The following FRMD4B variants were observed in gnomAD, a reference collection of about 807,000 sequenced individuals.
FRMD4B encodes FERM domain containing 4B.
Under a neutral mutation model 141.5 loss-of-function variants are expected in FRMD4B, and 74 were observed. The ratio of observed to expected loss-of-function variants is 0.52; its 90% confidence interval spans 0.43 to 0.63. FRMD4B has a LOEUF of 0.63. Among genes scored for constraint, FRMD4B ranks in the 30% least tolerant of loss-of-function variants. The pLI is 0.00. For synonymous variants in FRMD4B, 506 were observed against 467.9 expected, an observed-to-expected ratio of 1.08 and a Z score of -1.05; for missense variants, 1,366 against 1,253.4, an observed-to-expected ratio of 1.09 and a Z score of -1.36.
At chr3:69,270,852 C>A (rs1261165800) in intron 5 of FRMD4B, among the ~76,000 whole-genome samples, 4 of 152,074 alleles carry the variant, frequency 2.6e-5, no homozygotes, top group Non-Finnish European at 5.9e-5. Flanking sequence ...GTGTGAGCCA[C>A]CGTGCCCAGC....
upstream of FRMD4B, among the ~76,000 whole-genome samples, chr3:69,387,465 T>C (rs1344494305): frequency 6.6e-6 from 1 of 152,206 alleles, no homozygotes; most frequent in Non-Finnish European, 1.5e-5. Context: ...AAAAGTGCTG[T>C]AGCAAATTTC....
chr3:69,207,865 CT>C (rs1182313756), intron 11 of FRMD4B, among the ~76,000 whole-genome samples: 24 of 152,084 alleles, frequency 1.6e-4, no homozygotes, highest in Non-Finnish European at 2.9e-4. Context: ...CTGGCAGCCA[CT>C]TCCTTTTCTT....
intron 2 of FRMD4B, among the ~76,000 whole-genome samples, chr3:69,429,430 T>G (rs966639018): frequency 6.6e-6 from 1 of 152,182 alleles, no homozygotes; most frequent in African/African-American, 2.4e-5. Flanking sequence ...ATTTAAAATA[T>G]TTTTTTGTCC....
chr3:69,267,676 GAGA>G (rs2093574028), intron 5 of FRMD4B, among the ~76,000 whole-genome samples: 5 of 113,332 alleles, frequency 4.4e-5, no homozygotes, highest in African/African-American at 1.6e-4. Context: ...GAGAGAGAGA[GAGA>G]GAGAGAGAGA....
chr3:69,422,489 A>G (rs777131966), intron 2 of FRMD4B, among the ~76,000 whole-genome samples: 2 of 152,016 alleles, frequency 1.3e-5, no homozygotes, highest in Non-Finnish European at 2.9e-5. Flanking sequence ...TCACTTCCAT[A>G]CAGAGCTTTT....
intron 1 of FRMD4B, among the ~76,000 whole-genome samples, chr3:69,525,069 CA>C (rs1461211408): frequency 6.6e-6 from 1 of 152,048 alleles, no homozygotes; most frequent in Non-Finnish European, 1.5e-5. Flanking sequence ...TGGGACAGCC[CA>C]AAACTGCAAC....
At chr3:69,310,888 C>T (rs1021455967) in intron 3 of FRMD4B, among the ~76,000 whole-genome samples, 3 of 152,086 alleles carry the variant, frequency 2.0e-5, no homozygotes, top group African/African-American at 7.2e-5. Flanking sequence ...AGCTCTCTTG[C>T]CACCAACACC....
intron 1 of FRMD4B, among the ~76,000 whole-genome samples, chr3:69,455,266 G>C (rs1021808191): frequency 1.7e-4 from 26 of 152,222 alleles, no homozygotes; most frequent in African/African-American, 5.5e-4. Flanking sequence ...AGAGGCCACA[G>C]CAGTGATAGG....
chr3:69,264,440 G>A (rs2093547994), intron 5 of FRMD4B, among the ~76,000 whole-genome samples: 1 of 152,146 alleles, frequency 6.6e-6, no homozygotes, highest in Non-Finnish European at 1.5e-5. Context: ...TTTTTAAAAA[G>A]GGAATGCTTC....
At chr3:69,499,347 G>T (rs889208135) in intron 1 of FRMD4B, among the ~76,000 whole-genome samples, 1 of 152,188 alleles carries the variant, frequency 6.6e-6, no homozygotes, top group Non-Finnish European at 1.5e-5. Context: ...CAGTGGATTA[G>T]GTAGAAGCAC....
intron 2 of FRMD4B, among the ~76,000 whole-genome samples, chr3:69,409,011 T>C (rs1028752584): frequency 6.6e-6 from 1 of 152,068 alleles, no homozygotes; most frequent in African/African-American, 2.4e-5. Flanking sequence ...ATCTGTAAAA[T>C]AGAGAGAAAA....
At chr3:69,254,461 A>C (rs2093480815) in intron 5 of FRMD4B, among the ~76,000 whole-genome samples, 1 of 152,154 alleles carries the variant, frequency 6.6e-6, no homozygotes, top group African/African-American at 2.4e-5. Flanking sequence ...CAGGATATTA[A>C]TGTAATCACA....
At chr3:69,222,731 A>G (rs2093208730) in intron 8 of FRMD4B, among the ~76,000 whole-genome samples, 1 of 152,210 alleles carries the variant, frequency 6.6e-6, no homozygotes, top group African/African-American at 2.4e-5. Context: ...AGCTTGCGCC[A>G]TTGCACTCCA....
intron 2 of FRMD4B, 103 bp downstream of exon 2, chr3:69,313,349 G>C: frequency 1.3e-6 from 1 of 756,642 alleles, no homozygotes; most frequent in Non-Finnish European, 2.4e-6. Context: ...CCTGAATACA[G>C]ACTATGAGGC....
At chr3:69,217,698 C>T (rs1432022846) in intron 10 of FRMD4B, among the ~76,000 whole-genome samples, 1 of 152,072 alleles carries the variant, frequency 6.6e-6, no homozygotes, top group African/African-American at 2.4e-5. Context: ...TTTTCTAATT[C>T]CCCATCATTT....
Position 69,176,564 on chromosome 3 carries a change from A to G in FRMD4B, c.2944T>C (p.Cys982Arg), listed in dbSNP as rs2092648549. The change falls in exon 22 of 23, where the codon TGC becomes CGC. Residue 982 changes from cysteine to arginine, a missense_variant. By Grantham distance (180) the Cys-to-Arg change is radical. Transcript: ENST00000398540. ...AAAGGATTATAGACATTGCCATAGCAGCTGGTGTAAGAAGAATGTGCTGGA... is the reference window on the plus strand; with the variant it reads ...AAAGGATTATAGACATTGCCATAGCGGCTGGTGTAAGAAGAATGTGCTGGA... ...ETPAHSSYTS[C>R]YGNVYNPLPS... 2 of 1,611,976 alleles carry G rather than the reference A, an allele frequency of 1.2e-6. No individual in the cohort carries two copies. Among genetic ancestry groups the G allele is most frequent in the East Asian group, 4.5e-5 (2 of 44,876 alleles).
At chr3:69,211,644 GC>G (rs1234213084) in intron 11 of FRMD4B, among the ~76,000 whole-genome samples, 1 of 152,048 alleles carries the variant, frequency 6.6e-6, no homozygotes, top group Non-Finnish European at 1.5e-5. Flanking sequence ...CCTTCTTCTG[GC>G]CTGCTTTTAA....
intron 1 of FRMD4B, among the ~76,000 whole-genome samples, chr3:69,521,933 G>GT (rs563662060): frequency 1.1e-3 from 163 of 152,266 alleles, no homozygotes; most frequent in Middle Eastern, 0.01. Context: ...GGTCCTCATG[G>GT]TCACACACAA....
chr3:69,426,065 C>T (rs1374318117), intron 2 of FRMD4B, among the ~76,000 whole-genome samples: 1 of 152,186 alleles, frequency 6.6e-6, no homozygotes, highest in Non-Finnish European at 1.5e-5. Context: ...TCCTAAATAC[C>T]TCACACAAAG....
Sources: gnomAD v4.1 joint callset for allele counts (sites outside exome capture counted in the v4.1 genomes callset) on GRCh38, gnomAD v4.1.1 for gene constraint, MANE v1.5 for transcripts, NCBI Gene and HGNC (gene_info 2026-07-23, HGNC 2026-07-21) for gene names.